The following DENND6B variants were observed in gnomAD, a reference collection of about 807,000 sequenced individuals.
DENND6B encodes DENN domain containing 6B.
In DENND6B, 73 loss-of-function variants were observed where a neutral mutation model predicts 85.1. The observed-to-expected ratio is 0.86, with a 90% CI of 0.71 to 1.04. The LOEUF (loss-of-function observed/expected upper bound fraction) is 1.04, where lower values mean the gene tolerates loss of function less well. DENND6B is among the 50% of genes least tolerant of loss of function. The pLI is 0.00. For missense variants in DENND6B, 715 were observed against 785.8 expected (o/e 0.91, Z 1.08); for synonymous variants, 357 against 329.3 (o/e 1.08, Z -0.91).
chr22:50,317,851 G>A, intron 4 of DENND6B, 57 bp downstream of exon 4: 1 of 1,529,362 alleles, frequency 6.5e-7, no homozygotes, highest in Admixed American at 1.9e-5. Flanking sequence ...GCCTGACCCT[G>A]GCAGGACCCT....
At chr22:50,318,527 T>C (rs977410856) in intron 3 of DENND6B, among the ~76,000 whole-genome samples, 2 of 152,080 alleles carry the variant, frequency 1.3e-5, no homozygotes, top group South Asian at 4.1e-4. Flanking sequence ...CACCAGAAAA[T>C]GGCCACCCAG....
intron 9 of DENND6B, 42 bp downstream of exon 9, chr22:50,315,672 T>C: frequency 6.4e-7 from 1 of 1,550,914 alleles, no homozygotes; most frequent in Non-Finnish European, 8.7e-7. Context: ...GCACACACAG[T>C]GAGCTCCTCA....
Position 50,313,073 on chromosome 22 carries a change from G to A in DENND6B, c.1383C>T (p.Asp461=). The change falls in exon 17 of 20, where the codon GAC becomes GAT. Residue 461 remains aspartate, a synonymous_variant. Transcript: ENST00000413817. ...CAGCATGCTCCAGGCTACGCAGGAA[G>A]TCATCCTGGCTGAAGGGCTGGATCT... ...PPQIQPFSQD[D]FLRSLEHAGP... The A allele has an allele frequency of 6.4e-7, 1 of 1,559,462 alleles. No homozygotes were observed. The highest frequency in any genetic ancestry group is 2.4e-5 in the East Asian group (1 of 41,570).
At chr22:50,322,768 C>A (rs2042085654) in intron 1 of DENND6B, among the ~76,000 whole-genome samples, 1 of 151,730 alleles carries the variant, frequency 6.6e-6, no homozygotes. Context: ...GGCTGGTGGT[C>A]TCAAACTCCT....
rs1325057193 is a variant in DENND6B, at chr22:50,316,343, CGATGGCCACGACT to C, written c.559+14_559+26del. The C allele has an allele frequency of 1.0e-5, 16 of 1,563,042 alleles. No homozygotes were observed. Among genetic ancestry groups the C allele is most frequent in the African/African-American group, 1.4e-5 (1 of 73,402 alleles). On this transcript the variant is annotated intron_variant, in intron 6 of 19. Coordinates refer to ENST00000413817, the MANE Select transcript of DENND6B (RefSeq NM_001001794.4). The stretch of plus-strand genomic sequence containing the variant: ...GGCCACAGCTGGGATGATGAGACCA[CGATGGCCACGACT>C]GATGGCCACTCACCTGCTTCCAGGC...
rs535004346 is a variant in DENND6B, at chr22:50,313,112, A to T, written c.1348-4T>A. The T allele has an allele frequency of 6.4e-7, 1 of 1,552,470 alleles. No individual in the cohort carries two copies. The highest frequency in any genetic ancestry group is 1.4e-5 in the African/African-American group (1 of 73,242). ...AGGGCTGGATCTGGGGGGGAGTCTG[A>T]GAGGGGATGGGTGAGCCAGCACGTG... On this transcript the variant is annotated splice_polypyrimidine_tract_variant and splice_region_variant and intron_variant, in intron 16 of 19. Coordinates refer to ENST00000413817, the MANE Select transcript of DENND6B (RefSeq NM_001001794.4).
chr22:50,320,208 G>GA (rs1376929994), intron 1 of DENND6B, among the ~76,000 whole-genome samples: 1 of 152,234 alleles, frequency 6.6e-6, no homozygotes, highest in Non-Finnish European at 1.5e-5. Flanking sequence ...CCGGGCCCTG[G>GA]ATGAAAGCAT....
rs141200251 is a variant in DENND6B, at chr22:50,314,640, G to T, written c.942C>A (p.Ser314Arg). Residue 314 changes from serine to arginine, a missense_variant, in exon 11 of 20, where the codon AGC becomes AGA. Ser to Arg is a moderately radical substitution (Grantham distance 110). Transcript: ENST00000413817. The stretch of plus-strand genomic sequence containing the variant: ...TGCGTGTGGTGAACTCCTTGAACTC[G>T]CTGTCATGGATGGTGAAGTAGGGAC... Reference protein sequence around the residue: ...DFRPYFTIHDSEFKEFTTRTQ... With the variant: ...DFRPYFTIHDREFKEFTTRTQ... 2.6e-6 allele frequency: 4 copies of T among 1,567,178 alleles called. No individual in the cohort carries two copies. In the African/African-American group the frequency reaches 5.4e-5, roughly 21 times the overall value.
intron 1 of DENND6B, among the ~76,000 whole-genome samples, chr22:50,325,444 TCTC>T (rs1226733334): frequency 5.3e-5 from 8 of 151,084 alleles, no homozygotes; most frequent in Admixed American, 1.3e-4. Flanking sequence ...TTCAAGCCAT[TCTC>T]CTCCTCAGTC....
chr22:50,316,581 G>A (rs1569201724), intron 5 of DENND6B, 106 bp from the exon 6 acceptor site: 2 of 1,543,232 alleles, frequency 1.3e-6, no homozygotes, highest in African/African-American at 1.4e-5. Flanking sequence ...GCTGGCCCAG[G>A]GTAGCACGTC....
chr22:50,326,792 C>CCGCGCT lies in DENND6B; in HGVS notation c.177+14_177+19dup, dbSNP rs760846495. 3.1e-4 allele frequency: 427 copies of CCGCGCT among 1,372,792 alleles called. No individual in the cohort carries two copies. Among genetic ancestry groups the CCGCGCT allele is most frequent in the South Asian group, 9.0e-4 (55 of 61,136 alleles). The allele number at this position is 1,372,792 out of a possible 1,614,324, so 85.0% of individuals were successfully genotyped here. On this transcript the variant is annotated intron_variant, in intron 1 of 19. Coordinates refer to ENST00000413817, the MANE Select transcript of DENND6B (RefSeq NM_001001794.4). ...CGCAGCCCTGCCCACCCGCCCGCGCCCGCGCTCGCGCCCGCTCACCTCCAG... is the reference window on the plus strand; with the variant it reads ...CGCAGCCCTGCCCACCCGCCCGCGCCCGCGCTCGCGCTCGCGCCCGCTCACCTCCAG...
rs1180078923 is a variant in DENND6B, at chr22:50,311,132, G to C, written c.*1007C>G. On this transcript the variant is annotated 3_prime_UTR_variant, in exon 20 of 20. Transcript: ENST00000413817. Reference sequence around the variant, plus strand: ...GAGTGGTCAGGGGACCTGCTCCCGGGCACACAGTGCGTGATGCTGAGCAGG... The same window carrying C: ...GAGTGGTCAGGGGACCTGCTCCCGGCCACACAGTGCGTGATGCTGAGCAGG... The C allele has an allele frequency of 6.6e-6, 1 of 152,166 alleles. No homozygotes were observed. The highest frequency in any genetic ancestry group is 1.5e-5 in the Non-Finnish European group (1 of 68,064). The allele number at this position is 152,166 out of a possible 1,614,324, so 9.4% of individuals were successfully genotyped here. A position where few individuals can be genotyped will look rare whatever the true frequency, so the allele number is the denominator to read the frequency against.
At chr22:50,324,723 C>T (rs988741067) in intron 1 of DENND6B, among the ~76,000 whole-genome samples, 3 of 152,228 alleles carry the variant, frequency 2.0e-5, no homozygotes, top group Non-Finnish European at 4.4e-5. Context: ...CATGCCCAGC[C>T]TTCAAAGTGA....
rs1183885953 is a variant in DENND6B, at chr22:50,314,286, C to G, written c.1073-14G>C. The G allele has an allele frequency of 2.5e-6, 4 of 1,608,174 alleles. No homozygotes were observed. Among genetic ancestry groups the G allele is most frequent in the African/African-American group, 1.3e-5 (1 of 74,960 alleles). On this transcript the variant is annotated splice_polypyrimidine_tract_variant and intron_variant, in intron 12 of 19. Transcript: ENST00000413817. ...TAGGCAGGTCTCCTACGAGACACGC[C>G]CGGTGGCCAGGCCTCAGTGCCCGCA...
At chr22:50,319,024 C>T (rs756681293) in intron 1 of DENND6B, 21 bp from the exon 2 acceptor site, 2 of 1,586,504 alleles carry the variant, frequency 1.3e-6, no homozygotes, top group Admixed American at 1.8e-5. Context: ...AGACAGAGTG[C>T]TTGGTGACAC....
Position 50,311,055 on chromosome 22 carries a change from C to T in DENND6B, c.*1084G>A, listed in dbSNP as rs1346175736. 1 of 152,298 alleles carries T rather than the reference C, an allele frequency of 6.6e-6. No homozygotes were observed. Among genetic ancestry groups the T allele is most frequent in the South Asian group, 2.1e-4 (1 of 4,834 alleles). 9.4% of individuals were successfully genotyped at this position (152,298 alleles called of 1,614,324 possible). A position where few individuals can be genotyped will look rare whatever the true frequency, so the allele number is the denominator to read the frequency against. On this transcript the variant is annotated 3_prime_UTR_variant, in exon 20 of 20. Transcript: ENST00000413817. Reference sequence around the variant, plus strand: ...TCTCCATGAGTGGCCCTCCCAGCACCCTGTCGGGCATCTGCATGGCTGGCT... The same window carrying T: ...TCTCCATGAGTGGCCCTCCCAGCACTCTGTCGGGCATCTGCATGGCTGGCT...
intron 1 of DENND6B, among the ~76,000 whole-genome samples, chr22:50,322,819 G>A (rs936235392): frequency 2.0e-5 from 3 of 151,286 alleles, no homozygotes; most frequent in Middle Eastern, 3.2e-3. Flanking sequence ...CCAAAATGTT[G>A]GGATACAGGC....
intron 8 of DENND6B, 106 bp downstream of exon 8, chr22:50,315,919 C>T (rs1280783699): frequency 1.3e-6 from 2 of 1,577,300 alleles, no homozygotes; most frequent in East Asian, 4.5e-5. Context: ...TTTGACAACC[C>T]CGCAGGGTGA....
At position 50,311,874 on chromosome 22, in the gene DENND6B, C is replaced by T. The variant is rs908512867; in HGVS notation, c.*265G>A. 3.0e-5 allele frequency: 16 copies of T among 532,094 alleles called. No homozygotes were observed. The Admixed American group carries it at 3.1e-4, about 10-fold the overall frequency. The allele number at this position is 532,094 out of a possible 1,614,324, so 33.0% of individuals were successfully genotyped here. On this transcript the variant is annotated 3_prime_UTR_variant, in exon 20 of 20. Transcript: ENST00000413817. ...AGGGCTCCCAGCCTGTCCCCGCCCC[C>T]GTCCCAGCCTAAGGTCTGCAGAGGC...
Sources: gnomAD v4.1 joint callset for allele counts (sites outside exome capture counted in the v4.1 genomes callset) on GRCh38, gnomAD v4.1.1 for gene constraint, MANE v1.5 for transcripts, NCBI Gene and HGNC (gene_info 2026-07-23, HGNC 2026-07-21) for gene names.